Variants in KAT6A observed in about 807,000 individuals in gnomAD.
KAT6A encodes histone acetyltransferase KAT6A.
In KAT6A, 9 loss-of-function variants were observed where a neutral mutation model predicts 198.4. That is an observed-to-expected ratio of 0.05 (90% CI 0.03 to 0.08). The LOEUF (loss-of-function observed/expected upper bound fraction) is 0.08, where lower values mean the gene tolerates loss of function less well. KAT6A is among the 10% of genes least tolerant of loss of function. The pLI is 1.00. For missense variants in KAT6A, 2,077 were observed against 2,509.9 expected, an observed-to-expected ratio of 0.83 and a Z score of 3.69; for synonymous variants, 890 against 883.0, an observed-to-expected ratio of 1.01 and a Z score of -0.14.
intron 2 of KAT6A, among the ~76,000 whole-genome samples, chr8:42,037,302 T>C (rs1163879849): frequency 6.6e-6 from 1 of 151,908 alleles, no homozygotes; most frequent in Non-Finnish European, 1.5e-5. Context: ...GGCAGGAAAA[T>C]GGTGAAAGAG....
intron 6 of KAT6A, among the ~76,000 whole-genome samples, chr8:41,977,676 A>T (rs948677846): frequency 6.6e-6 from 1 of 152,200 alleles, no homozygotes; most frequent in Non-Finnish European, 1.5e-5. Flanking sequence ...GACTAAGAAC[A>T]ACTAAGATCC....
chr8:41,994,846 A>G (rs1475699328), intron 2 of KAT6A, among the ~76,000 whole-genome samples: 2 of 152,088 alleles, frequency 1.3e-5, no homozygotes, highest in African/African-American at 4.8e-5. Flanking sequence ...TCACGAGGTC[A>G]GGAGTTCAAG....
intron 1 of KAT6A, chr8:42,049,513 A>G (rs1802492637): frequency 6.2e-6 from 1 of 162,564 alleles, no homozygotes. Flanking sequence ...AAGATGAGTA[A>G]TTAGGATACA....
At chr8:41,967,274 A>AAATTATTT (rs544924028) in intron 8 of KAT6A, among the ~76,000 whole-genome samples, 18 of 142,846 alleles carry the variant, frequency 1.3e-4, no homozygotes, top group Non-Finnish European at 1.8e-4. Context: ...TAAAAAAAAA[A>AAATTATTT]ATTTATTTAT....
chr8:42,030,477 G>C (rs1475016163), intron 2 of KAT6A, among the ~76,000 whole-genome samples: 1 of 152,112 alleles, frequency 6.6e-6, no homozygotes, highest in African/African-American at 2.4e-5. Context: ...GTCCACCTTT[G>C]TGGAGAAGGT....
intron 2 of KAT6A, among the ~76,000 whole-genome samples, chr8:42,044,873 ACT>A (rs1345486149): frequency 1.3e-5 from 2 of 152,062 alleles, no homozygotes; most frequent in Non-Finnish European, 2.9e-5. Flanking sequence ...TGTCAAATAA[ACT>A]CTGGATAATT....
At chr8:41,938,907 C>A (rs769983042) in intron 15 of KAT6A, among the ~76,000 whole-genome samples, 9 of 147,832 alleles carry the variant, frequency 6.1e-5, no homozygotes, top group Non-Finnish European at 1.2e-4. Context: ...GAGATCATGC[C>A]GCTGCACTCC....
chr8:41,996,927 ATATAT>A lies in KAT6A; in HGVS notation c.601-9369_601-9365del, dbSNP rs748707817. Among the ~76,000 whole-genome samples the A allele has an allele frequency of 3.0e-4, 45 of 152,332 alleles. 1 individual carries two copies. The highest frequency in any genetic ancestry group is 6.3e-4 in the African/African-American group (26 of 41,564). On this transcript the variant is annotated intron_variant, in intron 2 of 16. Transcript: ENST00000265713. Reference sequence around the variant, plus strand: ...ATCTAGTAGTGTACCACAAAAGGACATATATTATATATTATATGATTCCATTTATA... The same window carrying A: ...ATCTAGTAGTGTACCACAAAAGGACATATATATTATATGATTCCATTTATA...
At chr8:42,003,867 C>G (rs966730678) in intron 2 of KAT6A, among the ~76,000 whole-genome samples, 1 of 152,174 alleles carries the variant, frequency 6.6e-6, no homozygotes, top group Non-Finnish European at 1.5e-5. Flanking sequence ...CGTGTGGACA[C>G]AGCAAAAAGG....
In KAT6A at chr8:41,948,028, A is replaced by C. The variant is rs151288060; in HGVS notation, c.1741-116T>G. 8.6e-5 allele frequency: 68 copies of C among 790,202 alleles called. No homozygotes were observed. The African/African-American group carries it at 9.8e-4, about 11-fold the overall frequency. 48.9% of individuals were successfully genotyped at this position (790,202 alleles called of 1,614,324 possible). On this transcript the variant is annotated intron_variant, in intron 10 of 16. Coordinates refer to ENST00000265713, the MANE Select transcript of KAT6A (RefSeq NM_006766.5). Reference sequence around the variant, plus strand: ...CAGTCCAGACTAGGAGAAGGTGTCCATGACCAGAACACTTTGGAACCTGGA... The same window carrying C: ...CAGTCCAGACTAGGAGAAGGTGTCCCTGACCAGAACACTTTGGAACCTGGA...
chr8:41,952,628 T>C (rs1377544294), intron 9 of KAT6A, among the ~76,000 whole-genome samples: 6 of 152,240 alleles, frequency 3.9e-5, no homozygotes, highest in African/African-American at 1.4e-4. Flanking sequence ...CTTTGCATTT[T>C]TGTTTGCTCC....
chr8:41,976,411 T>G (rs1473239432), intron 7 of KAT6A, among the ~76,000 whole-genome samples: 1 of 152,200 alleles, frequency 6.6e-6, no homozygotes, highest in Non-Finnish European at 1.5e-5. Flanking sequence ...CATTATTAAG[T>G]CCTCTCCACA....
At chr8:42,019,841 G>A (rs1386080152) in intron 2 of KAT6A, among the ~76,000 whole-genome samples, 1 of 152,050 alleles carries the variant, frequency 6.6e-6, no homozygotes, top group Admixed American at 6.6e-5. Context: ...GGGAAAAATG[G>A]GCATTTGTGC....
At chr8:41,979,016 T>A (rs905520170) in intron 5 of KAT6A, among the ~76,000 whole-genome samples, 4 of 152,188 alleles carry the variant, frequency 2.6e-5, no homozygotes, top group African/African-American at 4.8e-5. Context: ...CTGACTGCAC[T>A]TGAAGTCCAC....
intron 2 of KAT6A, among the ~76,000 whole-genome samples, chr8:41,993,808 A>G (rs1825058085): frequency 6.6e-6 from 1 of 152,214 alleles, no homozygotes; most frequent in Non-Finnish European, 1.5e-5. Context: ...AATATGCCAA[A>G]CTATATTGTT....
At chr8:41,971,108 G>A (rs928361374) in intron 8 of KAT6A, among the ~76,000 whole-genome samples, 4 of 151,568 alleles carry the variant, frequency 2.6e-5, no homozygotes, top group African/African-American at 9.7e-5. Flanking sequence ...AGCATTAGGA[G>A]ATATATCTAA....
chr8:42,034,642 G>A (rs1333889444), intron 2 of KAT6A, among the ~76,000 whole-genome samples: 1 of 152,114 alleles, frequency 6.6e-6, no homozygotes, highest in Non-Finnish European at 1.5e-5. Flanking sequence ...AGCCACATGT[G>A]GCTATTTCAA....
intron 8 of KAT6A, among the ~76,000 whole-genome samples, chr8:41,966,053 G>A (rs918227671): frequency 3.9e-5 from 6 of 152,216 alleles, no homozygotes; most frequent in African/African-American, 4.8e-5. Context: ...ATCCTATCTC[G>A]GCTGAATCAC....
intron 11 of KAT6A, among the ~76,000 whole-genome samples, 167 bp downstream of exon 11, chr8:41,947,584 G>A (rs1436635037): frequency 6.6e-6 from 1 of 152,194 alleles, no homozygotes; most frequent in Non-Finnish European, 1.5e-5. Context: ...ATGTTACTAA[G>A]CACCTTCTAG....
Sources: allele counts gnomAD v4.1 joint callset (sites outside exome capture counted in the v4.1 genomes callset), GRCh38; gene constraint gnomAD v4.1.1; transcripts MANE v1.5; gene names NCBI Gene and HGNC (gene_info 2026-07-23, HGNC 2026-07-21).